ZNF676: variants seen among roughly 807,000 people sequenced by gnomAD.
The protein encoded by ZNF676 is zinc finger protein 676.
In ZNF676, 4 loss-of-function variants were observed where a neutral mutation model predicts 6.0. The ratio of observed to expected loss-of-function variants is 0.67; its 90% CI spans 0.33 to 1.53. ZNF676 has a LOEUF of 1.53. Ranked by LOEUF, ZNF676 falls within the 40% of genes most tolerant of loss-of-function variation. ZNF676 has a pLI of 0.06. For synonymous variants in ZNF676, 198 were observed against 223.1 expected, an observed-to-expected ratio of 0.89 and a Z score of 1.00; for missense variants, 644 against 679.7, an observed-to-expected ratio of 0.95 and a Z score of 0.58.
At chr19:22,225,138 T>C in the ZNF676 span, among the ~76,000 whole-genome samples, 1 of 152,334 alleles carries the variant, frequency 6.6e-6, no homozygotes, top group Middle Eastern at 3.4e-3. Flanking sequence ...CTCCAGCCCT[T>C]GGCAAATATC....
Position 22,196,580 on chromosome 19 carries a change from C to A in ZNF676, c.34+20G>T, listed in dbSNP as rs375779736. On this transcript the variant is annotated intron_variant, in intron 1 of 2. Coordinates refer to ENST00000397121, the MANE Select transcript of ZNF676 (RefSeq NM_001001411.3). Reference sequence around the variant, plus strand: ...AACCTGTAGTATATACTAGGAATTGCGTATTAAAGTTATTCTCACCCAGGA... The same window carrying A: ...AACCTGTAGTATATACTAGGAATTGAGTATTAAAGTTATTCTCACCCAGGA... The A allele has an allele frequency of 1.2e-6, 2 of 1,613,458 alleles. No individual in the cohort carries two copies. The highest frequency in any genetic ancestry group is 1.1e-5 in the South Asian group (1 of 91,054).
At position 22,209,227 on chromosome 19, in the gene ZNF676, A is replaced by G. The variant is rs112583340; in HGVS notation, c.3+6405T>C. ...CAGTGAACTGAGATCATGCCACTGCACTCCAGCCTGTGTGATACAGTGAGA... is the reference window on the plus strand; with the variant it reads ...CAGTGAACTGAGATCATGCCACTGCGCTCCAGCCTGTGTGATACAGTGAGA... On this transcript the variant is annotated intron_variant, in intron 1 of 3. Transcript: ENST00000650058. Among the ~76,000 whole-genome samples, 687 of 152,114 alleles carry G rather than the reference A, an allele frequency of 4.5e-3. 4 individuals are homozygous for G. Among genetic ancestry groups the G allele is most frequent in the African/African-American group, 0.016 (654 of 41,504 alleles).
chr19:22,224,608 A>G, the ZNF676 span, among the ~76,000 whole-genome samples: 1 of 152,192 alleles, frequency 6.6e-6, no homozygotes, highest in South Asian at 2.1e-4. Context: ...AATTCTAGAA[A>G]AGATTTATAA....
the ZNF676 span, among the ~76,000 whole-genome samples, chr19:22,238,551 CA>C: frequency 6.6e-6 from 1 of 151,902 alleles, no homozygotes; most frequent in South Asian, 2.1e-4. Flanking sequence ...ACACCAGAAT[CA>C]AAAAAAGAAC....
the ZNF676 span, among the ~76,000 whole-genome samples, chr19:22,234,764 A>G: frequency 6.6e-6 from 1 of 151,836 alleles, no homozygotes; most frequent in Non-Finnish European, 1.5e-5. Context: ...TGAAACCCCA[A>G]GTCTACTAAA....
At chr19:22,197,630 C>G (rs902046981), upstream of ZNF676, among the ~76,000 whole-genome samples, 5 of 151,904 alleles carry the variant, frequency 3.3e-5, no homozygotes, top group South Asian at 4.1e-4. Flanking sequence ...AAGATAAGAG[C>G]CTTCATTTTC....
upstream of ZNF676, among the ~76,000 whole-genome samples, chr19:22,201,731 CAAAAAAAAA>C (rs35526921): frequency 9.6e-3 from 729 of 76,244 alleles, 6 homozygotes; most frequent in African/African-American, 0.03. Flanking sequence ...TTTGTAAAGG[CAAAAAAAAA>C]AAAAAAAAAA....
chr19:22,220,677 A>C (rs1399051021), upstream of ZNF676, among the ~76,000 whole-genome samples: 4 of 151,986 alleles, frequency 2.6e-5, no homozygotes. Context: ...GACTGGTCTC[A>C]AACACCTGAC....
chr19:22,251,409 T>C, the ZNF676 span, among the ~76,000 whole-genome samples: 3 of 152,288 alleles, frequency 2.0e-5, no homozygotes, highest in South Asian at 4.1e-4. Context: ...TTCCCTGCTA[T>C]TTAGACTAAT....
At chr19:22,237,169 T>G in the ZNF676 span, among the ~76,000 whole-genome samples, 2 of 152,214 alleles carry the variant, frequency 1.3e-5, no homozygotes, top group African/African-American at 4.8e-5. Context: ...TGCCTAAGCC[T>G]TTTGATTCCT....
intron 1 of ZNF676, among the ~76,000 whole-genome samples, chr19:22,215,371 C>A (rs577297121): frequency 1.3e-5 from 2 of 152,292 alleles, no homozygotes; most frequent in East Asian, 1.9e-4. Context: ...CGTGCACAAT[C>A]TGGGAGAGAC....
At chr19:22,249,442 C>T in the ZNF676 span, among the ~76,000 whole-genome samples, 1 of 151,966 alleles carries the variant, frequency 6.6e-6, no homozygotes, top group Non-Finnish European at 1.5e-5. Context: ...GACAGAGTTT[C>T]GTTCCTGTTG....
the ZNF676 span, among the ~76,000 whole-genome samples, chr19:22,246,161 A>T: frequency 6.6e-6 from 1 of 152,120 alleles, no homozygotes; most frequent in Admixed American, 6.5e-5. Context: ...GGCACATCAC[A>T]TAGGTGATTA....
Position 22,181,546 on chromosome 19 carries a change from T to C in ZNF676, c.171A>G (p.Gln57=). 6.3e-7 allele frequency: 1 copy of C among 1,598,666 alleles called. No homozygotes were observed. The highest frequency in any genetic ancestry group is 1.1e-5 in the South Asian group (1 of 88,376). The change falls in exon 3 of 3, where the codon CAA becomes CAG. Residue 57 remains glutamine, a synonymous_variant. Transcript: ENST00000397121. The part of the protein sequence containing the change: ...SHFSQEFWPE[Q]GIEDSFQKMI... ...TTTTTTGGAAAGAATCTTCTATGCC[T>C]TGCTCTGGCCAAAACTCTTGGGAAA... is the stretch of plus-strand genomic sequence containing the variant.
In ZNF676 at chr19:22,190,630, CATATATATATATATATATATAT is replaced by C. The variant is rs74174059; in HGVS notation, c.130+2364_130+2385del. ...ATTAGACTAATAAAATAGAATGCAA[CATATATATATATATATATATAT>C]ATATATATATATACATACACACTTT... On this transcript the variant is annotated intron_variant, in intron 2 of 2. Transcript: ENST00000397121. Among the ~76,000 whole-genome samples, 151 of 66,818 alleles carry C rather than the reference CATATATATATATATATATATAT, an allele frequency of 2.3e-3. 4 individuals are homozygous for C. Among genetic ancestry groups the C allele is most frequent in the South Asian group, 0.019 (21 of 1,120 alleles). 43.8% of individuals were successfully genotyped at this position (66,818 alleles called of 152,430 possible).
At chr19:22,187,523 G>A (rs1309779103) in intron 2 of ZNF676, among the ~76,000 whole-genome samples, 2 of 150,164 alleles carry the variant, frequency 1.3e-5, no homozygotes, top group Non-Finnish European at 3.0e-5. Context: ...GAACAGAGCA[G>A]AACTGAAGGA....
At chr19:22,237,430 A>T in the ZNF676 span, among the ~76,000 whole-genome samples, 76 of 149,424 alleles carry the variant, frequency 5.1e-4, 1 homozygote, top group East Asian at 6.3e-3. Context: ...TTCTCCAGAT[A>T]TCTGTTTATA....
chr19:22,229,508 T>G, the ZNF676 span, among the ~76,000 whole-genome samples: 3 of 152,198 alleles, frequency 2.0e-5, no homozygotes, highest in Admixed American at 6.5e-5. Context: ...AAATGGGACC[T>G]AATTAAACTC....
chr19:22,220,734 G>C (rs548280811), upstream of ZNF676, among the ~76,000 whole-genome samples: 12 of 152,120 alleles, frequency 7.9e-5, no homozygotes, highest in Non-Finnish European at 1.8e-4. Context: ...TAGGATTACA[G>C]GCATGAGCCA....
Sources: allele counts gnomAD v4.1 joint callset (sites outside exome capture counted in the v4.1 genomes callset), GRCh38; gene constraint gnomAD v4.1.1; transcripts MANE v1.5; gene names NCBI Gene and HGNC (gene_info 2026-07-23, HGNC 2026-07-21).